Variants in ZNF568 observed in about 807,000 individuals in gnomAD.
The protein encoded by ZNF568 is zinc finger protein 568, also known as p53 inhibitor of SCO2 activation.
A neutral mutation model predicts 18.1 loss-of-function variants in ZNF568; 11 were observed. The ratio of observed to expected loss-of-function variants is 0.61; its 90% CI spans 0.38 to 1.00. ZNF568 has a LOEUF of 1.00. Among genes scored for constraint, ZNF568 ranks in the 50% least tolerant of loss-of-function variants. The pLI, the probability that ZNF568 is intolerant of heterozygous loss-of-function variation, is 0.01. For synonymous variants in ZNF568, 213 were observed against 246.6 expected, an observed-to-expected ratio of 0.86 and a Z score of 1.28; for missense variants, 639 against 768.2, an observed-to-expected ratio of 0.83 and a Z score of 1.99.
At chr19:36,960,159 C>G (rs978179750) in intron 6 of ZNF568, among the ~76,000 whole-genome samples, 29 of 130,978 alleles carry the variant, frequency 2.2e-4, no homozygotes, top group Admixed American at 8.8e-5. Flanking sequence ...GCTCTGTTGC[C>G]CAGGCTAGAG....
intron 6 of ZNF568, among the ~76,000 whole-genome samples, chr19:36,967,883 T>C (rs2074205700): frequency 6.6e-6 from 1 of 152,222 alleles, no homozygotes; most frequent in African/African-American, 2.4e-5. Flanking sequence ...CTCTACAAGA[T>C]AGGTGTTTTT....
chr19:36,936,148 A>G lies in ZNF568; in HGVS notation c.136-598A>G, dbSNP rs147802576. On this transcript the variant is annotated intron_variant, in intron 4 of 6. Transcript: ENST00000333987. ...GTGGTTGCTCTAGGACTTGGATACT[A>G]TGTATCTTATCAGAACCTACTTCAG... Among the ~76,000 whole-genome samples the G allele has an allele frequency of 2.0e-5, 3 of 152,266 alleles. No homozygotes were observed. In the East Asian group the frequency reaches 5.8e-4, roughly 29 times the overall value.
At chr19:36,962,415 A>G (rs192166353) in intron 6 of ZNF568, among the ~76,000 whole-genome samples, 108 of 145,796 alleles carry the variant, frequency 7.4e-4, no homozygotes, top group African/African-American at 2.7e-3. Context: ...ATCTTGGATC[A>G]CTGCAACCTC....
chr19:36,955,200 T>G (rs1168653909), downstream of ZNF568, among the ~76,000 whole-genome samples: 1 of 152,194 alleles, frequency 6.6e-6, no homozygotes. Context: ...GAGACTTTTT[T>G]TTTTTGTCTA....
chr19:36,921,044 A>G (rs2073445365), intron 2 of ZNF568, among the ~76,000 whole-genome samples: 1 of 152,220 alleles, frequency 6.6e-6, no homozygotes, highest in Admixed American at 6.5e-5. Flanking sequence ...AGGCTATACC[A>G]TCCACATTTG....
chr19:36,968,480 G>A (rs2074211037), intron 6 of ZNF568, among the ~76,000 whole-genome samples: 1 of 149,698 alleles, frequency 6.7e-6, no homozygotes, highest in Non-Finnish European at 1.5e-5. Flanking sequence ...GGAGGCAGAG[G>A]TTGCAGTGAC....
intron 6 of ZNF568, among the ~76,000 whole-genome samples, chr19:36,969,781 ATTTTTTTTTTTTTTTT>A (rs200089198): frequency 1.3e-5 from 1 of 77,100 alleles, no homozygotes; most frequent in African/African-American, 5.3e-5. Context: ...CCATCTCAAG[ATTTTTTTTTTTTTTTT>A]TTTTTTTTTT....
Position 36,949,668 on chromosome 19 carries a change from G to C in ZNF568, c.515G>C (p.Arg172Thr). 6.2e-7 allele frequency: 1 copy of C among 1,613,828 alleles called. No homozygotes were observed. Among genetic ancestry groups the C allele is most frequent in the Non-Finnish European group, 8.5e-7 (1 of 1,179,852 alleles). ...CTGAGTTCAGACATTGTTACTTCAA[G>C]ACAAAGCTTCTATGACTGTGACTCA... is the stretch of plus-strand genomic sequence containing the variant. ...FPLSSDIVTS[R>T]QSFYDCDSLD... The change falls in exon 7 of 7, where the codon AGA (arginine) becomes ACA (threonine). Residue 172 changes from arginine (R) to threonine (T), a missense_variant. Transcript: ENST00000333987.
rs965480245 is a variant in ZNF568 at position 36,917,658 on chromosome 19, G to A, written c.-186+10G>A. On this transcript the variant is annotated intron_variant, in intron 2 of 6. Coordinates refer to ENST00000333987, the MANE Select transcript of ZNF568 (RefSeq NM_198539.4). ...ACTGTTATTTTAATAGGTGAGTATAGTTCAGTGGCATTTATCATGATTGCT... is the reference window on the plus strand; with the variant it reads ...ACTGTTATTTTAATAGGTGAGTATAATTCAGTGGCATTTATCATGATTGCT... 2.6e-5 allele frequency: 4 copies of A among 152,234 alleles called. No homozygotes were observed. In the East Asian group the frequency reaches 7.7e-4, roughly 29 times the overall value. 9.4% of individuals were successfully genotyped at this position (152,234 alleles called of 1,614,324 possible). A position where few individuals can be genotyped will look rare whatever the true frequency, so the allele number is the denominator to read the frequency against.
At chr19:36,970,906 C>T (rs1175607369) in intron 6 of ZNF568, among the ~76,000 whole-genome samples, 3 of 151,900 alleles carry the variant, frequency 2.0e-5, no homozygotes, top group Non-Finnish European at 2.9e-5. Context: ...CTACAGTTTC[C>T]TCTACCATGG....
chr19:36,997,254 T>A, downstream of ZNF568: 1 of 1,606,616 alleles, frequency 6.2e-7, no homozygotes, highest in Non-Finnish European at 8.5e-7. Flanking sequence ...CTGATTCACA[T>A]CTTATTCGAC....
chr19:36,925,145 T>C, intron 3 of ZNF568, 55 bp from the exon 4 acceptor site: 1 of 1,548,030 alleles, frequency 6.5e-7, no homozygotes, highest in South Asian at 1.1e-5. Flanking sequence ...TGAAGATTTC[T>C]ATATTCCTTT....
intron 6 of ZNF568, among the ~76,000 whole-genome samples, chr19:36,945,141 C>T (rs922950308): frequency 2.7e-5 from 4 of 149,780 alleles, no homozygotes; most frequent in Non-Finnish European, 4.4e-5. Flanking sequence ...AAAAACTCAG[C>T]GTAGAGAACA....
intron 2 of ZNF568, among the ~76,000 whole-genome samples, chr19:36,920,249 T>C (rs905813883): frequency 1.3e-5 from 2 of 152,044 alleles, no homozygotes; most frequent in Non-Finnish European, 2.9e-5. Flanking sequence ...AGAATAAGGA[T>C]ATAAAGAAAA....
chr19:36,982,197 G>T (rs13345491), downstream of ZNF568, among the ~76,000 whole-genome samples: 50,943 of 151,692 alleles, frequency 0.34, 8,759 homozygotes, highest in Non-Finnish European at 0.36. Context: ...TGCTGCACTG[G>T]CTCCACCTCC....
At chr19:36,926,811 A>C (rs59197853) in intron 4 of ZNF568, among the ~76,000 whole-genome samples, 1,987 of 149,200 alleles carry the variant, frequency 0.013, 46 homozygotes, top group African/African-American at 0.047. Flanking sequence ...ATATTATTTA[A>C]ATTTTTTAAG....
At chr19:36,974,053 G>T (rs1208498087) in intron 6 of ZNF568, among the ~76,000 whole-genome samples, 1 of 152,160 alleles carries the variant, frequency 6.6e-6, no homozygotes, top group Non-Finnish European at 1.5e-5. Context: ...AGCCACCAGG[G>T]ATCTAGACCC....
chr19:36,962,252 T>C (rs1289499359), intron 6 of ZNF568, among the ~76,000 whole-genome samples: 1 of 150,534 alleles, frequency 6.6e-6, no homozygotes, highest in African/African-American at 2.4e-5. Context: ...GTTTACCTTA[T>C]TTTCATGATG....
At chr19:36,973,579 TAGG>T (rs1256042482) in intron 6 of ZNF568, 1 of 153,214 alleles carries the variant, frequency 6.5e-6, no homozygotes. Context: ...CTGGGAATGT[TAGG>T]AGGTCTAGGG....
Sources: allele counts gnomAD v4.1 joint callset (sites outside exome capture counted in the v4.1 genomes callset), GRCh38; gene constraint gnomAD v4.1.1; transcripts MANE v1.5; gene names NCBI Gene and HGNC (gene_info 2026-07-23, HGNC 2026-07-21).